MAPRE2: variants seen among roughly 807,000 people sequenced by gnomAD.
MAPRE2 encodes microtubule associated protein RP/EB family member 2.
A neutral mutation model predicts 43.2 loss-of-function variants in MAPRE2; 13 were observed. The observed-to-expected ratio is 0.30, with a 90% CI of 0.20 to 0.48. The LOEUF (loss-of-function observed/expected upper bound fraction) is 0.48, where lower values mean the gene tolerates loss of function less well. MAPRE2 is among the 20% of genes least tolerant of loss of function. MAPRE2 has a pLI of 0.99. For missense variants in MAPRE2, 161 were observed against 400.2 expected, an observed-to-expected ratio of 0.40 and a Z score of 5.10; for synonymous variants, 135 against 148.8, an observed-to-expected ratio of 0.91 and a Z score of 0.68.
At chr18:35,060,076 C>G (rs938911068) in intron 1 of MAPRE2, among the ~76,000 whole-genome samples, 3 of 152,246 alleles carry the variant, frequency 2.0e-5, no homozygotes, top group Admixed American at 1.3e-4. Flanking sequence ...GGACTAACAA[C>G]TGAGCATGAC....
chr18:35,118,542 C>G (rs995045325), intron 4 of MAPRE2, among the ~76,000 whole-genome samples: 4 of 152,168 alleles, frequency 2.6e-5, no homozygotes, highest in Non-Finnish European at 5.9e-5. Flanking sequence ...CACAACAAAT[C>G]TTGTCTTGGG....
At chr18:34,985,319 T>TATA (rs2097019433) in intron 1 of MAPRE2, among the ~76,000 whole-genome samples, 7 of 43,878 alleles carry the variant, frequency 1.6e-4, no homozygotes, top group African/African-American at 6.8e-4. Flanking sequence ...TATTATATTA[T>TATA]ATATATAATA....
intron 5 of MAPRE2, among the ~76,000 whole-genome samples, chr18:35,128,179 GAAAAAGGTAT>G (rs374629253): frequency 6.6e-6 from 1 of 152,284 alleles, no homozygotes; most frequent in African/African-American, 2.4e-5. Flanking sequence ...TCACTTTATG[GAAAAAGGTAT>G]AAAAACAAGC....
chr18:34,986,476 T>C (rs2097021080), intron 1 of MAPRE2, among the ~76,000 whole-genome samples: 1 of 152,182 alleles, frequency 6.6e-6, no homozygotes, highest in South Asian at 2.1e-4. Flanking sequence ...CACCTGGTTC[T>C]TCCCGGGAAA....
intron 2 of MAPRE2, among the ~76,000 whole-genome samples, chr18:35,086,724 C>T (rs1405647638): frequency 6.6e-6 from 1 of 151,740 alleles, no homozygotes; most frequent in African/African-American, 2.4e-5. Flanking sequence ...TTAAATTCCA[C>T]TCTGCAATTT....
intron 2 of MAPRE2, among the ~76,000 whole-genome samples, chr18:35,081,187 G>GAA (rs1360778655): frequency 5.3e-5 from 8 of 152,106 alleles, no homozygotes; most frequent in African/African-American, 1.7e-4. Context: ...AAACCTCACA[G>GAA]AAATCTTTTC....
intron 1 of MAPRE2, among the ~76,000 whole-genome samples, chr18:35,069,167 C>T (rs1906983546): frequency 6.6e-6 from 1 of 152,106 alleles, no homozygotes; most frequent in Non-Finnish European, 1.5e-5. Flanking sequence ...AACCTAGTTC[C>T]TTCAACAACA....
chr18:35,129,239 C>T (rs890389458), intron 5 of MAPRE2, among the ~76,000 whole-genome samples: 7 of 152,266 alleles, frequency 4.6e-5, no homozygotes, highest in South Asian at 4.1e-4. Context: ...AATTTATATC[C>T]GTGGTTCACT....
chr18:35,030,708 CTAACTT>C (rs1242859244), intron 2 of MAPRE2, among the ~76,000 whole-genome samples: 196 of 152,310 alleles, frequency 1.3e-3, no homozygotes, highest in African/African-American at 4.6e-3. Flanking sequence ...TGCCTGGTTT[CTAACTT>C]TGGTTTTAAG....
intron 5 of MAPRE2, among the ~76,000 whole-genome samples, chr18:35,130,153 G>C (rs368051105): frequency 2.0e-5 from 3 of 152,120 alleles, no homozygotes; most frequent in South Asian, 2.1e-4. Context: ...AGGGGGCTGG[G>C]GGGGGGTGGC....
intron 1 of MAPRE2, among the ~76,000 whole-genome samples, chr18:35,003,878 G>A (rs1031945823): frequency 1.3e-5 from 2 of 152,146 alleles, no homozygotes; most frequent in African/African-American, 4.8e-5. Context: ...AAGATATAAC[G>A]TATTCGTAAA....
intron 1 of MAPRE2, among the ~76,000 whole-genome samples, chr18:34,979,229 T>A (rs73949043): frequency 6.6e-6 from 1 of 152,266 alleles, no homozygotes; most frequent in African/African-American, 2.4e-5. Context: ...CAATGCCTGG[T>A]TTCTGCACTG....
intron 1 of MAPRE2, among the ~76,000 whole-genome samples, chr18:34,993,041 C>G (rs2097024585): frequency 6.6e-6 from 1 of 152,150 alleles, no homozygotes; most frequent in Admixed American, 6.5e-5. Flanking sequence ...AAATACAGGT[C>G]AAGACACTAA....
chr18:35,094,176 C>T (rs942628853), intron 2 of MAPRE2, among the ~76,000 whole-genome samples: 1 of 152,140 alleles, frequency 6.6e-6, no homozygotes, highest in African/African-American at 2.4e-5. Context: ...CTGATTTGAT[C>T]ATTACACAAT....
intron 4 of MAPRE2, among the ~76,000 whole-genome samples, chr18:35,113,962 G>A (rs1909294732): frequency 6.6e-6 from 1 of 152,158 alleles, no homozygotes; most frequent in South Asian, 2.1e-4. Flanking sequence ...TTAAGTGTCA[G>A]CTATTATCCT....
intron 1 of MAPRE2, among the ~76,000 whole-genome samples, chr18:35,067,146 G>A (rs1279486620): frequency 6.6e-6 from 1 of 152,216 alleles, no homozygotes; most frequent in Non-Finnish European, 1.5e-5. Context: ...GTGTTGGCTA[G>A]CAATGGTGGA....
chr18:34,985,508 A>AAT lies in MAPRE2; in HGVS notation c.-70+8438_-70+8439dup, dbSNP rs564404150. Among the ~76,000 whole-genome samples the AAT allele has an allele frequency of 1.0e-3, 62 of 61,360 alleles. 1 individual carries two copies. Among genetic ancestry groups the AAT allele is most frequent in the African/African-American group, 4.7e-3 (58 of 12,326 alleles). The allele number at this position is 61,360 out of a possible 152,430, so 40.3% of individuals were successfully genotyped here. A position where few individuals can be genotyped will look rare whatever the true frequency, so the allele number is the denominator to read the frequency against. On this transcript the variant is annotated intron_variant, in intron 1 of 7. Transcript: ENST00000413393. The stretch of plus-strand genomic sequence containing the variant: ...ATATATTGTATATTATATAATATAT[A>AAT]ATATATATATTATATATTATAAATA...
upstream of MAPRE2, among the ~76,000 whole-genome samples, chr18:35,037,607 T>A (rs1171888856): frequency 6.6e-6 from 1 of 152,202 alleles, no homozygotes; most frequent in Non-Finnish European, 1.5e-5. Flanking sequence ...GATATGCCTG[T>A]GTACATAAGA....
intron 1 of MAPRE2, among the ~76,000 whole-genome samples, chr18:34,984,742 T>A (rs1192472538): frequency 7.1e-6 from 1 of 141,636 alleles, no homozygotes; most frequent in Non-Finnish European, 1.5e-5. Flanking sequence ...TAATAATATA[T>A]TATTTAATAT....
Sources: allele counts gnomAD v4.1 joint callset (sites outside exome capture counted in the v4.1 genomes callset), GRCh38; gene constraint gnomAD v4.1.1; transcripts MANE v1.5; gene names NCBI Gene and HGNC (gene_info 2026-07-23, HGNC 2026-07-21).